SLC24A3: variants seen among roughly 807,000 people sequenced by gnomAD.
SLC24A3 encodes the protein sodium/potassium/calcium exchanger 3.
SLC24A3 carries 28 observed loss-of-function variants against 75.8 expected under a neutral mutation model. That is an observed-to-expected ratio of 0.37 (90% CI 0.27 to 0.51). The LOEUF (loss-of-function observed/expected upper bound fraction) is 0.51, where lower values mean the gene tolerates loss of function less well. SLC24A3 is among the 20% of genes least tolerant of loss of function. The pLI, the probability that SLC24A3 is intolerant of heterozygous loss-of-function variation, is 0.94. For synonymous variants in SLC24A3, 372 were observed against 334.1 expected (o/e 1.11, Z -1.24); for missense variants, 663 against 847.8 (o/e 0.78, Z 2.71).
At chr20:19,401,808 A>C (rs2122405481) in intron 2 of SLC24A3, among the ~76,000 whole-genome samples, 1 of 152,332 alleles carries the variant, frequency 6.6e-6, no homozygotes, top group Admixed American at 6.5e-5. Flanking sequence ...TTGGTGTGTA[A>C]GTACCCCAGC....
intron 2 of SLC24A3, among the ~76,000 whole-genome samples, chr20:19,418,044 C>T (rs1156627142): frequency 1.3e-5 from 2 of 152,196 alleles, no homozygotes; most frequent in Non-Finnish European, 2.9e-5. Flanking sequence ...TGCAGTGAAA[C>T]CCTGAAGGAA....
chr20:19,592,518 G>A (rs1409858344), intron 6 of SLC24A3, among the ~76,000 whole-genome samples: 1 of 152,128 alleles, frequency 6.6e-6, no homozygotes, highest in Non-Finnish European at 1.5e-5. Flanking sequence ...ACGGTGCAAT[G>A]GGGGAAAGAA....
Position 19,588,314 on chromosome 20 carries a change from A to G in SLC24A3, c.612+2770A>G, listed in dbSNP as rs78095322. Reference sequence around the variant, plus strand: ...TAGCATTTTATTTATGTTGATCTGCACTTTCATTTGGCTGGGAGAATTACC... The same window carrying G: ...TAGCATTTTATTTATGTTGATCTGCGCTTTCATTTGGCTGGGAGAATTACC... On this transcript the variant is annotated intron_variant, in intron 6 of 16. Coordinates refer to ENST00000328041, the MANE Select transcript of SLC24A3 (RefSeq NM_020689.4). 2.8e-4 allele frequency among the ~76,000 whole-genome samples: 42 copies of G among 152,172 alleles called. 1 individual carries two copies. Among genetic ancestry groups the G allele is most frequent in the Non-Finnish European group, 1.8e-4 (12 of 68,036 alleles).
At chr20:19,216,522 T>C (rs918756895) in intron 1 of SLC24A3, among the ~76,000 whole-genome samples, 11 of 152,090 alleles carry the variant, frequency 7.2e-5, no homozygotes, top group Admixed American at 2.0e-4. Context: ...GGCAGCAGGA[T>C]TGTTTGAGCC....
At chr20:19,417,530 A>G (rs1215936183) in intron 2 of SLC24A3, among the ~76,000 whole-genome samples, 2 of 152,222 alleles carry the variant, frequency 1.3e-5, no homozygotes, top group African/African-American at 2.4e-5. Flanking sequence ...ATGAGACACC[A>G]ACTAGAAGCA....
At chr20:19,419,389 A>G (rs1265215108) in intron 2 of SLC24A3, among the ~76,000 whole-genome samples, 1 of 150,096 alleles carries the variant, frequency 6.7e-6, no homozygotes, top group East Asian at 2.0e-4. Flanking sequence ...TTTCCTGGGC[A>G]TTTAAGCCAG....
At chr20:19,444,020 C>T (rs1250331944) in intron 2 of SLC24A3, among the ~76,000 whole-genome samples, 2 of 152,112 alleles carry the variant, frequency 1.3e-5, no homozygotes, top group African/African-American at 4.8e-5. Context: ...CCTTAGTTTC[C>T]TGAGAGTTTT....
chr20:19,673,195 A>G (rs1042802656), intron 8 of SLC24A3, among the ~76,000 whole-genome samples: 2 of 152,042 alleles, frequency 1.3e-5, no homozygotes, highest in African/African-American at 4.8e-5. Flanking sequence ...TCCTATATAT[A>G]CAGCAATCCC....
At chr20:19,288,888 T>C (rs1983874899) in intron 2 of SLC24A3, among the ~76,000 whole-genome samples, 3 of 152,242 alleles carry the variant, frequency 2.0e-5, no homozygotes, top group Non-Finnish European at 4.4e-5. Context: ...TGTGTTTCTA[T>C]GGCAACTTTT....
At chr20:19,249,805 T>G (rs1982597495) in intron 1 of SLC24A3, among the ~76,000 whole-genome samples, 1 of 152,182 alleles carries the variant, frequency 6.6e-6, no homozygotes, top group African/African-American at 2.4e-5. Flanking sequence ...GACTGAAGCA[T>G]TAGGGGCGAA....
Position 19,542,320 on chromosome 20 carries a change from G to A in SLC24A3, c.348+26756G>A, listed in dbSNP as rs372402623. 1.8e-4 allele frequency among the ~76,000 whole-genome samples: 28 copies of A among 152,328 alleles called. 1 individual carries two copies. In the East Asian group the frequency reaches 5.4e-3, roughly 29 times the overall value. On this transcript the variant is annotated intron_variant, in intron 3 of 16. Transcript: ENST00000328041. The stretch of plus-strand genomic sequence containing the variant: ...GTGTTTGAGATTGAAATAAGCTGCT[G>A]GTCGTCATTTTGAAATCTGTCTCTG...
chr20:19,337,522 C>A (rs1431259393), intron 2 of SLC24A3, among the ~76,000 whole-genome samples: 1 of 152,060 alleles, frequency 6.6e-6, no homozygotes, highest in Non-Finnish European at 1.5e-5. Context: ...CTTCTTGAAG[C>A]AGCATGTTTT....
At position 19,542,925 on chromosome 20, in the gene SLC24A3, T is replaced by A. The variant is rs182683568; in HGVS notation, c.348+27361T>A. ...AGTGACCTAGGGAGGGTTACTACTG[T>A]CCCACAGATTCAGTTTTAGCATCTG... On this transcript the variant is annotated intron_variant, in intron 3 of 16. Coordinates refer to ENST00000328041, the MANE Select transcript of SLC24A3 (RefSeq NM_020689.4). Among the ~76,000 whole-genome samples the A allele has an allele frequency of 2.6e-5, 4 of 152,248 alleles. No individual in the cohort carries two copies. The East Asian group carries it at 7.7e-4, about 29-fold the overall frequency.
intron 2 of SLC24A3, among the ~76,000 whole-genome samples, chr20:19,391,543 A>G (rs546585335): frequency 6.6e-6 from 1 of 152,312 alleles, no homozygotes; most frequent in East Asian, 1.9e-4. Flanking sequence ...TTGGGAATGC[A>G]AATTCTCAGG....
intron 6 of SLC24A3, among the ~76,000 whole-genome samples, chr20:19,619,716 A>T (rs1392776879): frequency 6.6e-6 from 1 of 152,080 alleles, no homozygotes; most frequent in Non-Finnish European, 1.5e-5. Flanking sequence ...TATGATTATG[A>T]GCTCTACATC....
chr20:19,609,306 C>T (rs2031640794), intron 6 of SLC24A3, among the ~76,000 whole-genome samples: 1 of 151,836 alleles, frequency 6.6e-6, no homozygotes, highest in South Asian at 2.1e-4. Flanking sequence ...GCTCTTATAA[C>T]CTGATTTTTT....
chr20:19,238,372 T>C (rs1982229723), intron 1 of SLC24A3, among the ~76,000 whole-genome samples: 1 of 152,240 alleles, frequency 6.6e-6, no homozygotes, highest in Non-Finnish European at 1.5e-5. Flanking sequence ...TGATGGACAT[T>C]TGTGTGATTT....
chr20:19,602,730 G>A (rs6081676), intron 6 of SLC24A3, among the ~76,000 whole-genome samples: 140,141 of 152,236 alleles, frequency 0.92, 65,143 homozygotes, highest in Non-Finnish European at 0.98. Context: ...CTCTCATCAC[G>A]TACATGAAAT....
At chr20:19,685,446 A>G (rs985645128) in intron 12 of SLC24A3, 85 bp downstream of exon 12, 6 of 1,539,766 alleles carry the variant, frequency 3.9e-6, no homozygotes, top group Non-Finnish European at 5.3e-6. Flanking sequence ...TCTTTTTACC[A>G]TTCAATTTTT....
Sources: gnomAD v4.1 joint callset for allele counts (sites outside exome capture counted in the v4.1 genomes callset) on GRCh38, gnomAD v4.1.1 for gene constraint, MANE v1.5 for transcripts, NCBI Gene and HGNC (gene_info 2026-07-23, HGNC 2026-07-21) for gene names.